The following STPG1 variants were observed in gnomAD, a reference collection of about 807,000 sequenced individuals.
STPG1 encodes the protein O(6)-methylguanine-induced apoptosis 2.
Under a neutral mutation model 40.1 loss-of-function variants are expected in STPG1, and 33 were observed. That is an observed-to-expected ratio of 0.82 (90% CI 0.62 to 1.10). The LOEUF is 1.10. Ranked by LOEUF, STPG1 falls within the 50% of genes least tolerant of loss-of-function variation. The pLI is 0.00. For synonymous variants in STPG1, 150 were observed against 155.0 expected, an observed-to-expected ratio of 0.97 and a Z score of 0.24; for missense variants, 396 against 415.1, an observed-to-expected ratio of 0.95 and a Z score of 0.40.
At position 24,366,039 on chromosome 1, in the gene STPG1, A is replaced by G. The variant is rs533589340; in HGVS notation, c.737+3635T>C. Among the ~76,000 whole-genome samples the G allele has an allele frequency of 1.9e-4, 29 of 152,314 alleles. 1 individual carries two copies. In the East Asian group the frequency reaches 5.6e-3, roughly 29 times the overall value. ...ATTTTTTGGCCAGTAACATGAGACT[A>G]AAAACTCCAGGGAGAATTCATATCT... On this transcript the variant is annotated intron_variant, in intron 7 of 8. Coordinates refer to ENST00000337248, the MANE Select transcript of STPG1 (RefSeq NM_001199013.2).
chr1:24,364,066 C>T (rs745689182), intron 7 of STPG1: 1 of 1,360,360 alleles, frequency 7.4e-7, no homozygotes, highest in Non-Finnish European at 9.6e-7. Flanking sequence ...CTTCCAGAAA[C>T]ACCCAACACA....
chr1:24,373,807 A>G lies in STPG1; in HGVS notation c.466T>C (p.Ser156Pro). Residue 156 changes from serine to proline, a missense_variant, in exon 6 of 9, where the codon TCT (serine) becomes CCT (proline). Transcript: ENST00000337248. ...TTTCTCTGCTTGCAGCAAGAGACAG[A>G]GGCCTAGGGGGAGAAAATACACCCA... ...ETPAPNYYNASVSCCKQRNNV... is the reference protein window; with the variant it reads ...ETPAPNYYNAPVSCCKQRNNV... 1 of 1,601,750 alleles carries G rather than the reference A, an allele frequency of 6.2e-7. No individual in the cohort carries two copies. Among genetic ancestry groups the G allele is most frequent in the African/African-American group, 1.3e-5 (1 of 74,840 alleles).
At chr1:24,408,522 T>C (rs1170322169) in intron 1 of STPG1, among the ~76,000 whole-genome samples, 4 of 152,174 alleles carry the variant, frequency 2.6e-5, no homozygotes, top group Admixed American at 6.5e-5. Context: ...ATTTTTATCT[T>C]CTCAACTCAG....
chr1:24,370,783 GC>G (rs1641702110), intron 6 of STPG1, among the ~76,000 whole-genome samples: 1 of 133,134 alleles, frequency 7.5e-6, no homozygotes, highest in Non-Finnish European at 1.6e-5. Context: ...GAGCCACTGT[GC>G]CCAGCTTTTT....
intron 7 of STPG1, 31 bp from the exon 8 acceptor site, chr1:24,361,072 C>T (rs1344424599): frequency 6.4e-7 from 1 of 1,566,284 alleles, no homozygotes; most frequent in African/African-American, 1.4e-5. Flanking sequence ...GAAGATGTCA[C>T]TAAGGCAGTC....
At chr1:24,412,509 TCTTCCCC>T (rs1643739475) in intron 1 of STPG1, among the ~76,000 whole-genome samples, 1 of 152,166 alleles carries the variant, frequency 6.6e-6, no homozygotes, top group African/African-American at 2.4e-5. Context: ...TTGTTTATGA[TCTTCCCC>T]AGTAGAAAGT....
chr1:24,391,379 T>C, intron 3 of STPG1, 182 bp downstream of exon 3: 1 of 410,188 alleles, frequency 2.4e-6, no homozygotes, highest in Non-Finnish European at 4.3e-6. Context: ...ATGTCCCATT[T>C]TTCAGGCTCG....
chr1:24,362,496 C>T (rs1265050337), intron 7 of STPG1, among the ~76,000 whole-genome samples: 3 of 152,212 alleles, frequency 2.0e-5, no homozygotes, highest in African/African-American at 7.2e-5. Context: ...TCAGTATACA[C>T]AGCATTGCAA....
chr1:24,413,622 C>A (rs12725252), intron 1 of STPG1, 52 bp downstream of exon 1: 17,028 of 152,340 alleles, frequency 0.11, 998 homozygotes, highest in African/African-American at 0.13. Flanking sequence ...TGCGCCGTGT[C>A]CTCTTCCCCA....
At chr1:24,407,515 C>G (rs1051619187) in intron 1 of STPG1, among the ~76,000 whole-genome samples, 1 of 150,484 alleles carries the variant, frequency 6.6e-6, no homozygotes, top group Non-Finnish European at 1.5e-5. Flanking sequence ...AATCTCGGCT[C>G]ACTGCACCCT....
At chr1:24,408,919 T>C (rs938798572) in intron 1 of STPG1, among the ~76,000 whole-genome samples, 5 of 152,230 alleles carry the variant, frequency 3.3e-5, no homozygotes, top group Admixed American at 6.5e-5. Context: ...TCAACTTTTT[T>C]TTGGTGGACA....
Position 24,378,061 on chromosome 1 carries a change from A to T in STPG1, c.462+1592T>A, listed in dbSNP as rs1245667938. On this transcript the variant is annotated intron_variant, in intron 5 of 8. Transcript: ENST00000337248. ...TTCAGGCTCTGATTATGCCGAGGGA[A>T]GACTGCCTGGAGTTGGACTGCCCAG... 5.0e-3 allele frequency among the ~76,000 whole-genome samples: 767 copies of T among 152,224 alleles called. 7 individuals carry two copies. Among genetic ancestry groups the T allele is most frequent in the African/African-American group, 0.017 (715 of 41,526 alleles).
intron 3 of STPG1, among the ~76,000 whole-genome samples, chr1:24,386,878 C>A (rs977742534): frequency 6.6e-6 from 1 of 152,178 alleles, no homozygotes; most frequent in South Asian, 2.1e-4. Flanking sequence ...GGGAAGAGAA[C>A]TCGCATTTAC....
chr1:24,407,159 T>G (rs1391756507), intron 1 of STPG1, among the ~76,000 whole-genome samples: 1 of 152,320 alleles, frequency 6.6e-6, no homozygotes, highest in East Asian at 1.9e-4. Context: ...CAATTTTATT[T>G]TCATGGTACC....
chr1:24,390,740 G>GT (rs58051437), intron 3 of STPG1, among the ~76,000 whole-genome samples: 54,903 of 151,072 alleles, frequency 0.36, 10,138 homozygotes, highest in East Asian at 0.47. Flanking sequence ...GTTTAAGGAA[G>GT]TTTTTTTTGT....
intron 5 of STPG1, among the ~76,000 whole-genome samples, chr1:24,377,639 G>A (rs1021649067): frequency 6.6e-6 from 1 of 152,076 alleles, no homozygotes; most frequent in Admixed American, 6.6e-5. Flanking sequence ...GTCCCTCAAA[G>A]TTGACCACAG....
At chr1:24,364,401 C>A in intron 7 of STPG1, 1 of 1,510,864 alleles carries the variant, frequency 6.6e-7, no homozygotes, top group Middle Eastern at 1.7e-4. Context: ...GGTGGAAGGA[C>A]GACGGCAGGT....
chr1:24,366,615 C>T (rs992666973), intron 7 of STPG1, among the ~76,000 whole-genome samples: 1 of 152,160 alleles, frequency 6.6e-6, no homozygotes, highest in South Asian at 2.1e-4. Context: ...TTTTAAAATA[C>T]ATAATCTGGA....
rs958948077 is a variant in STPG1, at chr1:24,391,662, G to T, written c.88C>A (p.Pro30Thr). The part of the protein sequence containing the change: ...EVQKGFTAAY[P>T]TQSSIPFKSQ... ...TTAAAAGGAATGGAGGATTGTGTTG[G>T]ATATGCAGCAGTAAAACCTAAACAA... The change falls in exon 3 of 9, where the codon CCA becomes ACA. Residue 30 changes from proline (P) to threonine (T), a missense_variant. Transcript: ENST00000337248. The T allele has an allele frequency of 6.5e-7, 1 of 1,547,376 alleles. No individual in the cohort carries two copies. Among genetic ancestry groups the T allele is most frequent in the Admixed American group, 2.0e-5 (1 of 50,644 alleles).
Sources: gnomAD v4.1 joint callset for allele counts (sites outside exome capture counted in the v4.1 genomes callset) on GRCh38, gnomAD v4.1.1 for gene constraint, MANE v1.5 for transcripts, NCBI Gene and HGNC (gene_info 2026-07-23, HGNC 2026-07-21) for gene names.